Variants in PDE1A observed in about 807,000 individuals in gnomAD.
The protein encoded by PDE1A is phosphodiesterase 1A, also known as dual specificity calcium/calmodulin-dependent 3',5'-cyclic nucleotide phosphodiesterase 1A.
Under a neutral mutation model 61.7 loss-of-function variants are expected in PDE1A, and 35 were observed. The observed-to-expected ratio is 0.57, with a 90% CI of 0.43 to 0.75. The LOEUF (loss-of-function observed/expected upper bound fraction) is 0.75. PDE1A is among the 30% of genes least tolerant of loss of function. The pLI, the probability that PDE1A is intolerant of heterozygous loss-of-function variation, is 0.00. For missense variants in PDE1A, 597 were observed against 630.6 expected (o/e 0.95, Z 0.57); for synonymous variants, 232 against 213.2 (o/e 1.09, Z -0.77).
At chr2:182,377,450 C>T (rs1371366439) in intron 1 of PDE1A, among the ~76,000 whole-genome samples, 1 of 152,142 alleles carries the variant, frequency 6.6e-6, no homozygotes, top group East Asian at 1.9e-4. Flanking sequence ...AACTATGCAC[C>T]AATTAAATCT....
the PDE1A span, among the ~76,000 whole-genome samples, chr2:182,577,104 T>C: frequency 6.6e-6 from 1 of 152,214 alleles, no homozygotes; most frequent in African/African-American, 2.4e-5. Context: ...TGATCATTTT[T>C]TCTTTTGCTA....
the PDE1A span, among the ~76,000 whole-genome samples, chr2:182,666,025 A>G: frequency 6.6e-6 from 1 of 152,162 alleles, no homozygotes. Context: ...ATAAGAACGC[A>G]TGGACACAGG....
Position 182,418,279 on chromosome 2 carries a change from T to C in PDE1A, c.53+8299A>G, listed in dbSNP as rs184700666. Among the ~76,000 whole-genome samples, 761 of 152,286 alleles carry C rather than the reference T, an allele frequency of 5.0e-3. 7 individuals are homozygous for C. Among genetic ancestry groups the C allele is most frequent in the Non-Finnish European group, 6.3e-3 (428 of 68,014 alleles). On this transcript the variant is annotated intron_variant, in intron 1 of 13. Coordinates refer to ENST00000351439, the Ensembl canonical transcript of PDE1A. ...ATGACACTTGGTAAAAATCAATTAT[T>C]GAAAAAGAACTGGGAAAATGTGGGC...
At chr2:182,429,268 T>G (rs1703796300), upstream of PDE1A, among the ~76,000 whole-genome samples, 1 of 152,110 alleles carries the variant, frequency 6.6e-6, no homozygotes, top group Admixed American at 6.6e-5. Flanking sequence ...TGGAAAAAAG[T>G]TGGCTTTATC....
intron 13 of PDE1A, among the ~76,000 whole-genome samples, chr2:182,181,232 C>A (rs906328522): frequency 6.6e-6 from 1 of 152,150 alleles, no homozygotes; most frequent in African/African-American, 2.4e-5. Flanking sequence ...GATTTATCTA[C>A]CTTTGATCTT....
the PDE1A span, among the ~76,000 whole-genome samples, chr2:182,634,162 G>A: frequency 2.6e-5 from 4 of 151,716 alleles, no homozygotes; most frequent in African/African-American, 9.7e-5. Context: ...ATCAGCACTG[G>A]TTATATCATC....
At chr2:182,465,456 C>T (rs1055504122) in intron 2 of PDE1A, among the ~76,000 whole-genome samples, 5 of 151,692 alleles carry the variant, frequency 3.3e-5, no homozygotes, top group Admixed American at 1.3e-4. Flanking sequence ...TATATTGATA[C>T]ATTCAATTAA....
chr2:182,493,408 A>G (rs1267015385), intron 2 of PDE1A, among the ~76,000 whole-genome samples: 1 of 151,988 alleles, frequency 6.6e-6, no homozygotes, highest in East Asian at 1.9e-4. Flanking sequence ...CATTAGGCAT[A>G]GCTCCTAATG....
At chr2:182,424,543 G>A (rs1703484094) in intron 1 of PDE1A, among the ~76,000 whole-genome samples, 1 of 152,154 alleles carries the variant, frequency 6.6e-6, no homozygotes, top group African/African-American at 2.4e-5. Flanking sequence ...AGAGAACAAG[G>A]TGCCTAAGAA....
the PDE1A span, among the ~76,000 whole-genome samples, chr2:182,603,469 T>C: frequency 6.6e-6 from 1 of 152,196 alleles, no homozygotes; most frequent in Admixed American, 6.5e-5. Flanking sequence ...TGCCTCAGCC[T>C]CTTGAGTAGC....
At chr2:182,579,479 A>C in the PDE1A span, among the ~76,000 whole-genome samples, 1 of 152,214 alleles carries the variant, frequency 6.6e-6, no homozygotes, top group Non-Finnish European at 1.5e-5. Context: ...CAGCGAGACA[A>C]ATATCTAAAA....
chr2:182,237,415 T>C (rs920401738), intron 3 of PDE1A, among the ~76,000 whole-genome samples: 1 of 151,594 alleles, frequency 6.6e-6, no homozygotes, highest in African/African-American at 2.4e-5. Flanking sequence ...GAGGCGGAGG[T>C]TGCAGTAAAC....
chr2:182,280,754 T>G (rs752429450), intron 1 of PDE1A, among the ~76,000 whole-genome samples: 5 of 151,796 alleles, frequency 3.3e-5, no homozygotes, highest in Non-Finnish European at 7.4e-5. Context: ...TATTTTCAAT[T>G]TTAGGGGGTT....
exon 11 of PDE1A, chr2:182,189,031 T>C: frequency 6.2e-7 from 1 of 1,613,176 alleles, no homozygotes; most frequent in Non-Finnish European, 8.5e-7. Flanking sequence ...GTGGGGAAAA[T>C]GGAAGCCCTA....
At chr2:182,200,595 C>T (rs1446198972) in intron 10 of PDE1A, among the ~76,000 whole-genome samples, 2 of 152,164 alleles carry the variant, frequency 1.3e-5, no homozygotes, top group Non-Finnish European at 2.9e-5. Context: ...TTTCATTTGG[C>T]TCTGCCTGGA....
intron 13 of PDE1A, among the ~76,000 whole-genome samples, chr2:182,184,055 A>AAAGAAAGAAAGG (rs1473528088): frequency 5.4e-5 from 8 of 149,184 alleles, no homozygotes; most frequent in Admixed American, 3.3e-4. Context: ...AGAAAGAAAG[A>AAAGAAAGAAAGG]ACAATTAAAG....
intron 1 of PDE1A, among the ~76,000 whole-genome samples, chr2:182,413,802 G>A (rs1331795908): frequency 2.0e-5 from 3 of 152,142 alleles, no homozygotes; most frequent in Non-Finnish European, 2.9e-5. Flanking sequence ...CTGTGTCTGT[G>A]TGTGTCTGTG....
At chr2:182,262,378 A>C (rs914049452) in intron 2 of PDE1A, among the ~76,000 whole-genome samples, 1 of 151,786 alleles carries the variant, frequency 6.6e-6, no homozygotes, top group Non-Finnish European at 1.5e-5. Flanking sequence ...TGATCCTCCC[A>C]CCTCAGCCTC....
At chr2:182,347,836 G>C (rs554187912) in intron 1 of PDE1A, among the ~76,000 whole-genome samples, 1 of 152,208 alleles carries the variant, frequency 6.6e-6, no homozygotes, top group East Asian at 1.9e-4. Context: ...GAGAGGATCA[G>C]AAATAGCTTC....
Sources: gnomAD v4.1 joint callset for allele counts (sites outside exome capture counted in the v4.1 genomes callset) on GRCh38, gnomAD v4.1.1 for gene constraint, MANE v1.5 for transcripts, NCBI Gene and HGNC (gene_info 2026-07-23, HGNC 2026-07-21) for gene names.